The following PCNT variants were observed in gnomAD, a reference collection of about 807,000 sequenced individuals.
The protein encoded by PCNT is pericentrin.
In PCNT, 319 loss-of-function variants were observed where a neutral mutation model predicts 380.4. The observed-to-expected ratio is 0.84, with a 90% CI of 0.77 to 0.92. PCNT has a LOEUF of 0.92. Among genes scored for constraint, PCNT ranks in the 40% least tolerant of loss-of-function variants. The pLI, the probability that PCNT is intolerant of heterozygous loss-of-function variation, is 0.00. For missense variants in PCNT, 4,400 were observed against 4,255.3 expected, an observed-to-expected ratio of 1.03 and a Z score of -0.95; for synonymous variants, 1,845 against 1,735.2, an observed-to-expected ratio of 1.06 and a Z score of -1.57.
intron 17 of PCNT, among the ~76,000 whole-genome samples, chr21:46,386,575 G>A (rs2085845750): frequency 6.6e-6 from 1 of 152,246 alleles, no homozygotes; most frequent in South Asian, 2.1e-4. Flanking sequence ...CGGGCCGTGG[G>A]GCCGCCTTCC....
In PCNT at chr21:46,429,994, C is replaced by A. The variant is rs374253000; in HGVS notation, c.7691-16C>A. 1.2e-6 allele frequency: 2 copies of A among 1,610,876 alleles called. No individual in the cohort carries two copies. The highest frequency in any genetic ancestry group is 1.7e-4 in the Middle Eastern group (1 of 6,042). On this transcript the variant is annotated splice_polypyrimidine_tract_variant and intron_variant, in intron 35 of 46. Transcript: ENST00000359568. ...GAGCTCATGGGGGCCTGTTACTGTT[C>A]TTTTGTCTTTCTCAGTTGAACTGCT...
chr21:46,386,672 C>T (rs1379781449), intron 17 of PCNT, among the ~76,000 whole-genome samples: 7 of 152,228 alleles, frequency 4.6e-5, no homozygotes, highest in East Asian at 3.9e-4. Flanking sequence ...GCCCTTTTGT[C>T]GCGTGTGGGG....
At position 46,375,609 on chromosome 21, in the gene PCNT, C is replaced by A. The variant is rs201847902; in HGVS notation, c.3166-6085C>A. ...GGAAGAAAATCTCCTTTGAGCCGGCCCGGTCAGATTGAGGGGGTGGCTGAG... is the reference window on the plus strand; with the variant it reads ...GGAAGAAAATCTCCTTTGAGCCGGCACGGTCAGATTGAGGGGGTGGCTGAG... On this transcript the variant is annotated intron_variant, in intron 15 of 46. Coordinates refer to ENST00000359568, the MANE Select transcript of PCNT (RefSeq NM_006031.6). Among the ~76,000 whole-genome samples, 12 of 97,042 alleles carry A rather than the reference C, an allele frequency of 1.2e-4. No individual in the cohort carries two copies. In the South Asian group the frequency reaches 3.1e-3, roughly 25 times the overall value. 63.7% of individuals were successfully genotyped at this position (97,042 alleles called of 152,430 possible).
intron 2 of PCNT, among the ~76,000 whole-genome samples, chr21:46,326,968 A>G (rs4819238): frequency 0.72 from 108,635 of 150,574 alleles, 40,815 homozygotes; most frequent in Non-Finnish European, 0.84. Flanking sequence ...AGCCGAGATC[A>G]CGCCAATGCA....
chr21:46,417,942 T>TC (rs775223225), intron 30 of PCNT, among the ~76,000 whole-genome samples: 107 of 152,324 alleles, frequency 7.0e-4, no homozygotes, highest in Middle Eastern at 6.8e-3. Flanking sequence ...ATCTGAAACA[T>TC]CCATATACTA....
chr21:46,425,869 C>T lies in PCNT; in HGVS notation c.7218C>T (p.Ile2406=). Residue 2406 remains isoleucine (I), a synonymous_variant, in exon 33 of 47, where the codon ATC becomes ATT. Coordinates refer to ENST00000359568, the MANE Select transcript of PCNT (RefSeq NM_006031.6). This position sits in a 1 kb window ranked among gnomAD's most constrained non-coding sequence, Gnocchi z 4.2. ...LQMVRDESHQ[I]LALSEGLAPP... ...TGGTGCGTGACGAGAGCCACCAGAT[C>T]CTGGCGCTGTCAGAAGGCCTTGCAC... 6.2e-7 allele frequency: 1 copy of T among 1,613,824 alleles called. No individual in the cohort carries two copies. Among genetic ancestry groups the T allele is most frequent in the East Asian group, 2.2e-5 (1 of 44,862 alleles).
intron 14 of PCNT, 140 bp from the exon 15 acceptor site, chr21:46,366,441 AAGT>A (rs2084931229): frequency 2.7e-6 from 2 of 734,800 alleles, no homozygotes; most frequent in South Asian, 1.5e-5. Context: ...GTCGAGGGAA[AAGT>A]AGTAAGAGCA....
rs746493365 is a variant in PCNT at position 46,367,110 on chromosome 21, G to A, written c.3136G>A (p.Val1046Met). 1.1e-5 allele frequency: 18 copies of A among 1,613,212 alleles called. No individual in the cohort carries two copies. Among genetic ancestry groups the A allele is most frequent in the Admixed American group, 3.3e-5 (2 of 60,000 alleles). The change falls in exon 15 of 47, where the codon GTG becomes ATG. Residue 1046 changes from valine (V) to methionine (M), a missense_variant. Val to Met is a conservative substitution (Grantham distance 21). Coordinates refer to ENST00000359568, the MANE Select transcript of PCNT (RefSeq NM_006031.6). ...TEVSTELAGT[V>M]AHELQGVHQG... ...AGTGAGCACAGAGCTCGCCGGAACC[G>A]TGGCTCACGAGCTGCAGGGAGTGCA...
chr21:46,416,164 T>C lies in PCNT; in HGVS notation c.6246T>C (p.Tyr2082=). ...QLQEKLNRLL[Y]SMTFQNVDAA... is the part of the protein sequence containing the mutation. ...AGGAAAAACTGAACCGTTTGCTGTA[T>C]TCCATGACCTTCCAGAATGTGGATG... The change falls in exon 30 of 47, where the codon TAT becomes TAC. Residue 2082 remains tyrosine (Y), a synonymous_variant. Coordinates refer to ENST00000359568, the MANE Select transcript of PCNT (RefSeq NM_006031.6). 6.2e-7 allele frequency: 1 copy of C among 1,614,208 alleles called. No homozygotes were observed. The highest frequency in any genetic ancestry group is 8.5e-7 in the Non-Finnish European group (1 of 1,180,026).
At chr21:46,399,908 C>G in intron 25 of PCNT, 112 bp downstream of exon 25, 1 of 875,744 alleles carries the variant, frequency 1.1e-6, no homozygotes, top group Non-Finnish European at 2.0e-6. Context: ...TGGCAGCCAC[C>G]ACGTCTGCAC....
intron 15 of PCNT, among the ~76,000 whole-genome samples, chr21:46,375,700 G>A (rs775602175): frequency 2.6e-5 from 4 of 152,172 alleles, no homozygotes; most frequent in Non-Finnish European, 5.9e-5. Flanking sequence ...CACATGTGGG[G>A]CACTGGCCGT....
At chr21:46,389,537 T>G (rs1458143220) in intron 19 of PCNT, 106 bp downstream of exon 19, 6 of 855,616 alleles carry the variant, frequency 7.0e-6, no homozygotes, top group East Asian at 5.3e-5. Flanking sequence ...CGCACGGGTT[T>G]CTCCCCAAGG....
At chr21:46,361,132 A>G (rs2084699430) in intron 13 of PCNT, among the ~76,000 whole-genome samples, 1 of 152,158 alleles carries the variant, frequency 6.6e-6, no homozygotes, top group Non-Finnish European at 1.5e-5. Flanking sequence ...GGCTCAGGCC[A>G]GTAATCCCAG....
In PCNT at chr21:46,358,498, G is replaced by A. The variant is rs1263031025; in HGVS notation, c.2154+1307G>A. Among the ~76,000 whole-genome samples, 3 of 152,276 alleles carry A rather than the reference G, an allele frequency of 2.0e-5. 1 individual carries two copies. The South Asian group carries it at 6.2e-4, about 31-fold the overall frequency. On this transcript the variant is annotated intron_variant, in intron 13 of 46. Coordinates refer to ENST00000359568, the MANE Select transcript of PCNT (RefSeq NM_006031.6). ...GTGGAGCCCTGTGGGGAGCCGGACAGGCGGTAGGTGGGCCGATGGTCATGT... is the reference window on the plus strand; with the variant it reads ...GTGGAGCCCTGTGGGGAGCCGGACAAGCGGTAGGTGGGCCGATGGTCATGT...
chr21:46,337,947 C>G (rs2083803832), intron 3 of PCNT, among the ~76,000 whole-genome samples: 1 of 152,046 alleles, frequency 6.6e-6, no homozygotes, highest in Non-Finnish European at 1.5e-5. Flanking sequence ...AATCTTGGCT[C>G]ACTACAGCCT....
intron 2 of PCNT, 68 bp downstream of exon 2, chr21:46,326,657 A>C: frequency 6.7e-7 from 1 of 1,498,406 alleles, no homozygotes; most frequent in South Asian, 1.1e-5. Context: ...GTGATTTACT[A>C]AAGATGGTCT....
chr21:46,332,920 G>A (rs1332764525), intron 2 of PCNT, among the ~76,000 whole-genome samples: 1 of 152,124 alleles, frequency 6.6e-6, no homozygotes, highest in Non-Finnish European at 1.5e-5. Flanking sequence ...GCCAGCTTTG[G>A]AACATAATGA....
Position 46,422,003 on chromosome 21 carries a change from C to T in PCNT, c.7058C>T (p.Pro2353Leu), listed in dbSNP as rs139978398. ...DGSGFGARLSPGSGGPEAQTA... is the reference protein window; with the variant it reads ...DGSGFGARLSLGSGGPEAQTA... ...TCGGGTTTTGGAGCAAGACTGAGCC[C>T]GGGGTCAGGAGGCCCTGAGGCTCAA... Residue 2353 changes from proline (P) to leucine (L), a missense_variant, in exon 32 of 47, where the codon CCG (proline) becomes CTG (leucine). Transcript: ENST00000359568. 3.5e-5 allele frequency: 56 copies of T among 1,614,084 alleles called. No individual in the cohort carries two copies. In the East Asian group the frequency reaches 6.2e-4, roughly 18 times the overall value.
Position 46,431,978 on chromosome 21 carries a change from G to A in PCNT, c.8514G>A (p.Glu2838=). 6.2e-7 allele frequency: 1 copy of A among 1,613,966 alleles called. No homozygotes were observed. The highest frequency in any genetic ancestry group is 8.5e-7 in the Non-Finnish European group (1 of 1,180,026). Reference sequence around the variant, plus strand: ...GTGAGGCGCTCAGGAGAGAGAAGGAGGTAAGTGCCACACTGAAGTCGACGG... The same window carrying A: ...GTGAGGCGCTCAGGAGAGAGAAGGAAGTAAGTGCCACACTGAAGTCGACGG... ...KHCEALRREK[E]VSATLKSTVE... Residue 2838 remains glutamate (E), a synonymous_variant, in exon 38 of 47, where the codon GAG becomes GAA. Transcript: ENST00000359568.
Sources: allele counts gnomAD v4.1 joint callset (sites outside exome capture counted in the v4.1 genomes callset), GRCh38; gene constraint gnomAD v4.1.1; non-coding constraint Gnocchi (gnomAD v3.1); transcripts MANE v1.5; gene names NCBI Gene and HGNC (gene_info 2026-07-23, HGNC 2026-07-21).